Variants in CD99 observed in about 807,000 individuals in gnomAD.
CD99 encodes CD99 antigen.
A neutral mutation model predicts 28.4 loss-of-function variants in CD99; 19 were observed. The observed-to-expected ratio is 0.67, with a 90% confidence interval of 0.47 to 0.98. The LOEUF is 0.98. Among genes scored for constraint, CD99 ranks in the 50% least tolerant of loss-of-function variants. The pLI is 0.00. For missense variants in CD99, 283 were observed against 248.8 expected, an observed-to-expected ratio of 1.14 and a Z score of -0.92; for synonymous variants, 103 against 92.1, an observed-to-expected ratio of 1.12 and a Z score of -0.67.
intron 1 of CD99, among the ~76,000 whole-genome samples, chrX:2,711,869 G>A (rs1161966121): frequency 6.6e-6 from 1 of 151,996 alleles, no homozygotes; most frequent in Non-Finnish European, 1.5e-5. Context: ...GTGAAACCCC[G>A]TCTCTAGTAA....
At chrX:2,714,298 A>AT in intron 1 of CD99, 124 bp from the exon 2 acceptor site, 2 of 743,494 alleles carry the variant, frequency 2.7e-6, no homozygotes, top group Non-Finnish European at 4.4e-6. Flanking sequence ...CACCTTGTAA[A>AT]TTTTTTTAAG....
intron 8 of CD99, chrX:2,733,402 C>T (rs1294200704): frequency 1.3e-6 from 2 of 1,587,744 alleles, no homozygotes; most frequent in East Asian, 2.3e-5. Flanking sequence ...CCCAGGCCTG[C>T]GGAGCGTCCT....
chrX:2,723,483 G>A, intron 7 of CD99, 119 bp downstream of exon 7: 1 of 1,165,944 alleles, frequency 8.6e-7, no homozygotes, highest in Non-Finnish European at 1.3e-6. Context: ...ACTGGCAGGA[G>A]GCACGGGTGT....
chrX:2,723,346 A>G lies in CD99; in HGVS notation c.343A>G (p.Arg115Gly). Residue 115 changes from arginine to glycine, a missense_variant, in exon 7 of 10, where the codon AGG becomes GGG. Arg to Gly is a moderately radical substitution (Grantham distance 125). Coordinates refer to ENST00000381192, the MANE Select transcript of CD99 (RefSeq NM_002414.5). ...KGGSDGGGSHRKEGEEADAPG... is the reference protein window; with the variant it reads ...KGGSDGGGSHGKEGEEADAPG... ...AGGCAGTGATGGTGGAGGCAGCCACAGGAAAGAAGGGGAAGAGGGTAGGTG... is the reference window on the plus strand; with the variant it reads ...AGGCAGTGATGGTGGAGGCAGCCACGGGAAAGAAGGGGAAGAGGGTAGGTG... 1 of 1,613,978 alleles carries G rather than the reference A, an allele frequency of 6.2e-7. No individual in the cohort carries two copies. Among genetic ancestry groups the G allele is most frequent in the South Asian group, 1.1e-5 (1 of 91,078 alleles).
intron 1 of CD99, among the ~76,000 whole-genome samples, chrX:2,705,064 T>G (rs1569429401): frequency 6.6e-6 from 1 of 152,350 alleles, no homozygotes; most frequent in South Asian, 2.1e-4. Context: ...AGTTTAACTA[T>G]TGCTACAGAC....
intron 2 of CD99, chrX:2,715,605 C>G (rs896424943): frequency 6.6e-6 from 1 of 152,160 alleles, no homozygotes; most frequent in Non-Finnish European, 1.5e-5. Context: ...TGCAAAGACC[C>G]TATTTCCAAA....
In CD99 at chrX:2,740,897, G is replaced by A. The variant is rs773258131; in HGVS notation, c.*93G>A. 7.5e-7 allele frequency: 1 copy of A among 1,324,948 alleles called. No homozygotes were observed. Among genetic ancestry groups the A allele is most frequent in the South Asian group, 1.2e-5 (1 of 85,390 alleles). The allele number at this position is 1,324,948 out of a possible 1,614,324, so 82.1% of individuals were successfully genotyped here. ...TGAAGGACACCTGCCTGAGAGCAGA[G>A]ATGGAGGCCTTCTGTTCACGGCGGA... On this transcript the variant is annotated 3_prime_UTR_variant, in exon 10 of 10. Transcript: ENST00000381192.
chrX:2,695,108 G>A (rs774834823), intron 1 of CD99, among the ~76,000 whole-genome samples: 3 of 152,166 alleles, frequency 2.0e-5, no homozygotes, highest in Non-Finnish European at 2.9e-5. Flanking sequence ...AATGTTCTGA[G>A]CACTCTTGTT....
chrX:2,714,169 T>G (rs2048575527), intron 1 of CD99, among the ~76,000 whole-genome samples: 1 of 152,176 alleles, frequency 6.6e-6, no homozygotes. Context: ...AATGATCGTG[T>G]TTTTACACTA....
intron 5 of CD99, among the ~76,000 whole-genome samples, chrX:2,721,646 G>C (rs1445426312): frequency 1.3e-5 from 2 of 152,042 alleles, no homozygotes; most frequent in Non-Finnish European, 2.9e-5. Flanking sequence ...CAAGTCTTTT[G>C]TTTGTACTGC....
rs777888040 is a variant in CD99 at position 2,717,762 on chromosome X, C to A, written c.148+110C>A. On this transcript the variant is annotated intron_variant, in intron 3 of 9. Coordinates refer to ENST00000381192, the MANE Select transcript of CD99 (RefSeq NM_002414.5). ...GAAGACAGAAGTGATTTGAGTGCTC[C>A]GGCTGGAGTCTGGTTAATAGTTAAT... 8.7e-6 allele frequency: 8 copies of A among 916,142 alleles called. No individual in the cohort carries two copies. The East Asian group carries it at 1.9e-4, about 22-fold the overall frequency. The allele number at this position is 916,142 out of a possible 1,614,324, so 56.8% of individuals were successfully genotyped here.
chrX:2,725,359 T>A (rs2049219376), intron 7 of CD99, among the ~76,000 whole-genome samples: 1 of 150,736 alleles, frequency 6.6e-6, no homozygotes, highest in Admixed American at 6.6e-5. Context: ...GATTACATCA[T>A]TGCACTCCAG....
chrX:2,713,065 T>C (rs923547131), intron 1 of CD99, among the ~76,000 whole-genome samples: 9 of 146,636 alleles, frequency 6.1e-5, no homozygotes, highest in African/African-American at 2.1e-4. Flanking sequence ...CCTACACACA[T>C]AAACATATTG....
intron 1 of CD99, 43 bp downstream of exon 1, chrX:2,691,470 C>G: frequency 2.6e-6 from 4 of 1,548,974 alleles, no homozygotes; most frequent in Admixed American, 1.9e-5. Flanking sequence ...GCGGAGGGCG[C>G]GGGCCGGGAC....
chrX:2,692,119 C>T (rs1001247748), intron 1 of CD99: 2 of 595,318 alleles, frequency 3.4e-6, no homozygotes, highest in South Asian at 4.1e-5. Context: ...GAGCCACGGT[C>T]ACCCTCCCAC....
intron 1 of CD99, among the ~76,000 whole-genome samples, chrX:2,692,655 T>G (rs1159626571): frequency 7.2e-6 from 1 of 139,004 alleles, no homozygotes; most frequent in Non-Finnish European, 1.6e-5. Context: ...GTTTCTCCCT[T>G]TTCTTCCTAA....
intron 1 of CD99, among the ~76,000 whole-genome samples, chrX:2,694,202 C>T (rs1423701635): frequency 2.6e-5 from 4 of 152,016 alleles, no homozygotes; most frequent in Admixed American, 6.5e-5. Context: ...CAAACATCTA[C>T]GGAACCGACA....
chrX:2,691,496 G>A, intron 1 of CD99, 69 bp downstream of exon 1: 4 of 1,502,348 alleles, frequency 2.7e-6, no homozygotes, highest in Non-Finnish European at 3.6e-6. Flanking sequence ...ATCCGCTTGA[G>A]ATGCGGCGTT....
At chrX:2,732,389 C>T (rs1486597058) in intron 8 of CD99, among the ~76,000 whole-genome samples, 2 of 152,132 alleles carry the variant, frequency 1.3e-5, no homozygotes, top group Non-Finnish European at 2.9e-5. Context: ...GTCCTGGGCT[C>T]ACAGTGGGTT....
Sources: allele counts gnomAD v4.1 joint callset (sites outside exome capture counted in the v4.1 genomes callset), GRCh38; gene constraint gnomAD v4.1.1; transcripts MANE v1.5; gene names NCBI Gene and HGNC (gene_info 2026-07-23, HGNC 2026-07-21).